The following RFX3 variants were observed in gnomAD, a reference collection of about 807,000 sequenced individuals.
RFX3 encodes the protein transcription factor RFX3.
In RFX3, 14 loss-of-function variants were observed where a neutral mutation model predicts 98.6. The ratio of observed to expected loss-of-function variants is 0.14; its 90% CI spans 0.09 to 0.22. The LOEUF is 0.22. RFX3 is among the 10% of genes least tolerant of loss of function. The pLI, the probability that RFX3 is intolerant of heterozygous loss-of-function variation, is 1.00. For synonymous variants in RFX3, 383 were observed against 328.4 expected, an observed-to-expected ratio of 1.17 and a Z score of -1.80; for missense variants, 639 against 926.9, an observed-to-expected ratio of 0.69 and a Z score of 4.03.
intron 15 of RFX3, among the ~76,000 whole-genome samples, chr9:3,234,586 C>T (rs1205616079): frequency 6.6e-6 from 1 of 152,174 alleles, no homozygotes; most frequent in Non-Finnish European, 1.5e-5. Context: ...CTGCAGTGAA[C>T]TGTGATCGTG....
intron 2 of RFX3, among the ~76,000 whole-genome samples, chr9:3,356,168 G>A (rs564776907): frequency 3.2e-4 from 45 of 141,152 alleles, no homozygotes; most frequent in Admixed American, 2.4e-3. Flanking sequence ...AAGGAAGGAA[G>A]GAAGGAAGGA....
At chr9:3,376,583 A>C (rs1838523068) in intron 2 of RFX3, among the ~76,000 whole-genome samples, 1 of 152,220 alleles carries the variant, frequency 6.6e-6, no homozygotes, top group African/African-American at 2.4e-5. Context: ...AAAAGCCAAA[A>C]TTGACAAATG....
At chr9:3,520,386 A>G (rs774752195) in intron 1 of RFX3, among the ~76,000 whole-genome samples, 1 of 152,204 alleles carries the variant, frequency 6.6e-6, no homozygotes, top group East Asian at 1.9e-4. Context: ...CTGTAACTGT[A>G]TCTTTCTAAG....
chr9:3,456,455 T>A (rs962166881), intron 1 of RFX3, among the ~76,000 whole-genome samples: 38 of 152,326 alleles, frequency 2.5e-4, no homozygotes, highest in African/African-American at 9.1e-4. Flanking sequence ...TCATCCAAAC[T>A]ATTAGCTTTT....
At chr9:3,505,700 C>T (rs954762210) in intron 1 of RFX3, among the ~76,000 whole-genome samples, 4 of 150,964 alleles carry the variant, frequency 2.6e-5, no homozygotes, top group African/African-American at 9.7e-5. Flanking sequence ...CAAATGTTAC[C>T]TTATCTGCAA....
intron 2 of RFX3, among the ~76,000 whole-genome samples, chr9:3,354,227 A>C: frequency 6.6e-6 from 1 of 152,024 alleles, no homozygotes; most frequent in Non-Finnish European, 1.5e-5. Context: ...CTGAATAAAG[A>C]GTGGTAGATT....
At chr9:3,340,404 G>T (rs1319743406) in intron 3 of RFX3, among the ~76,000 whole-genome samples, 2 of 152,110 alleles carry the variant, frequency 1.3e-5, no homozygotes, top group South Asian at 4.2e-4. Context: ...TTGACAAATG[G>T]GATCTAATAA....
intron 5 of RFX3, among the ~76,000 whole-genome samples, chr9:3,293,753 T>A (rs1827668163): frequency 2.6e-5 from 4 of 152,164 alleles, no homozygotes. Context: ...AATTTTAATT[T>A]ATCTCAAATT....
intron 1 of RFX3, among the ~76,000 whole-genome samples, chr9:3,483,420 TTAAA>T (rs1849982020): frequency 2.6e-5 from 4 of 152,330 alleles, no homozygotes; most frequent in Admixed American, 2.6e-4. Flanking sequence ...ATAACAGGTA[TTAAA>T]TAAATATTTG....
At chr9:3,252,428 T>A (rs1821539852) in intron 14 of RFX3, among the ~76,000 whole-genome samples, 2 of 150,226 alleles carry the variant, frequency 1.3e-5, no homozygotes, top group African/African-American at 4.8e-5. Context: ...GGCAGGCATT[T>A]TAAGTTGGGG....
At chr9:3,269,720 T>C (rs1273624829) in intron 11 of RFX3, among the ~76,000 whole-genome samples, 3 of 152,174 alleles carry the variant, frequency 2.0e-5, no homozygotes, top group South Asian at 2.1e-4. Context: ...TTACAATGCT[T>C]GTGTAGTTAC....
intron 15 of RFX3, among the ~76,000 whole-genome samples, chr9:3,235,860 T>C (rs1048071125): frequency 2.0e-5 from 3 of 152,164 alleles, no homozygotes; most frequent in African/African-American, 7.2e-5. Context: ...ATTCAACCAA[T>C]TAGCAACCTT....
In RFX3 at chr9:3,424,563, T is replaced by C. The variant is rs575649287; in HGVS notation, c.-8-28967A>G. Among the ~76,000 whole-genome samples, 479 of 151,708 alleles carry C rather than the reference T, an allele frequency of 3.2e-3. 3 individuals are homozygous for C. Among genetic ancestry groups the C allele is most frequent in the African/African-American group, 0.01 (415 of 41,396 alleles). ...TTTTAGTAGAGACGGGGCTTCACCG[T>C]GTTAGCCGGGATGGTCTCGATCTCC... On this transcript the variant is annotated intron_variant, in intron 1 of 16. Transcript: ENST00000617270.
intron 1 of RFX3, among the ~76,000 whole-genome samples, chr9:3,425,461 C>CTTATGATTCAACATTTTAAAATA (rs1332662764): frequency 6.6e-6 from 1 of 152,154 alleles, no homozygotes; most frequent in Non-Finnish European, 1.5e-5. Context: ...TCAGCAAAAC[C>CTTATGATTCAACATTTTAAAATA]TTATGATTCA....
At chr9:3,324,091 T>C (rs1472258614) in intron 4 of RFX3, 1 of 427,426 alleles carries the variant, frequency 2.3e-6, no homozygotes, top group Admixed American at 2.4e-5. Context: ...AGGGACTGAG[T>C]TGGCCTAGGG....
chr9:3,470,449 G>T (rs1335194210), intron 1 of RFX3, among the ~76,000 whole-genome samples: 1 of 151,238 alleles, frequency 6.6e-6, no homozygotes, highest in African/African-American at 2.4e-5. Flanking sequence ...CGAGTAGCTG[G>T]GACTACAGGT....
At chr9:3,354,412 T>C (rs962179225) in intron 2 of RFX3, among the ~76,000 whole-genome samples, 1 of 151,582 alleles carries the variant, frequency 6.6e-6, no homozygotes, top group Non-Finnish European at 1.5e-5. Context: ...ATAAAGAACA[T>C]TAAACCAAAG....
intron 1 of RFX3, among the ~76,000 whole-genome samples, chr9:3,440,114 T>C (rs747206983): frequency 3.6e-4 from 55 of 152,186 alleles, no homozygotes; most frequent in Non-Finnish European, 6.6e-4. Context: ...TTTCCATCTA[T>C]TAAAGAAATC....
intron 15 of RFX3, among the ~76,000 whole-genome samples, chr9:3,241,900 C>T (rs1819978122): frequency 6.6e-6 from 1 of 152,056 alleles, no homozygotes; most frequent in Admixed American, 6.5e-5. Flanking sequence ...TAAGAGGCAT[C>T]CTGTAAGGCA....
Sources: allele counts gnomAD v4.1 joint callset (sites outside exome capture counted in the v4.1 genomes callset), GRCh38; gene constraint gnomAD v4.1.1; transcripts MANE v1.5; gene names NCBI Gene and HGNC (gene_info 2026-07-23, HGNC 2026-07-21).